The following SHANK2 variants were observed in gnomAD, a reference collection of about 807,000 sequenced individuals.
The protein encoded by SHANK2 is SH3 and multiple ankyrin repeat domains protein 2.
In SHANK2, 43 loss-of-function variants were observed where a neutral mutation model predicts 133.7. The observed-to-expected ratio is 0.32, with a 90% CI of 0.25 to 0.41. The LOEUF is 0.41. Among genes scored for constraint, SHANK2 ranks in the 10% least tolerant of loss-of-function variants. The pLI is 1.00. For missense variants in SHANK2, 1,994 were observed against 2,235.8 expected (o/e 0.89, Z 2.18); for synonymous variants, 1,017 against 952.8 (o/e 1.07, Z -1.24).
intron 17 of SHANK2, among the ~76,000 whole-genome samples, chr11:70,657,660 A>G (rs781275384): frequency 6.6e-5 from 10 of 152,252 alleles, no homozygotes; most frequent in Non-Finnish European, 1.2e-4. Context: ...TGTGATAATC[A>G]TAATGCAGGC....
At chr11:70,693,805 T>C (rs1445413883) in intron 15 of SHANK2, among the ~76,000 whole-genome samples, 2 of 151,806 alleles carry the variant, frequency 1.3e-5, no homozygotes, top group Non-Finnish European at 2.9e-5. Context: ...AGTGAACAGA[T>C]AAATGGGTGG....
intron 16 of SHANK2, among the ~76,000 whole-genome samples, chr11:70,661,289 A>G (rs1186014819): frequency 1.3e-5 from 2 of 152,156 alleles, no homozygotes; most frequent in African/African-American, 4.8e-5. Flanking sequence ...ATCATTTAAA[A>G]ACAAAAGGTA....
intron 9 of SHANK2, among the ~76,000 whole-genome samples, chr11:71,070,883 TGA>T (rs1951133956): frequency 6.6e-6 from 1 of 152,174 alleles, no homozygotes; most frequent in African/African-American, 2.4e-5. Context: ...GAGGATGTCC[TGA>T]GAGCCCCAGC....
In SHANK2 at chr11:70,472,776, T is replaced by C. The variant is rs1483535104; in HGVS notation, c.*93A>G. 3 of 1,249,854 alleles carry C rather than the reference T, an allele frequency of 2.4e-6. No homozygotes were observed. In the East Asian group the frequency reaches 6.9e-5, roughly 29 times the overall value. The allele number at this position is 1,249,854 out of a possible 1,614,324, so 77.4% of individuals were successfully genotyped here. A position where few individuals can be genotyped will look rare whatever the true frequency, so the allele number is the denominator to read the frequency against. ...AGACAAACCCATGGAGTGGGGTTGA[T>C]GCTCACAGACTTCGCTTGGCATTCA... On this transcript the variant is annotated 3_prime_UTR_variant, in exon 26 of 26. Transcript: ENST00000601538. The surrounding 1 kb of genome is among the most constrained non-coding windows in gnomAD (Gnocchi z 4.4).
At chr11:71,165,100 C>A (rs1450571749) in intron 2 of SHANK2, among the ~76,000 whole-genome samples, 2 of 150,674 alleles carry the variant, frequency 1.3e-5, no homozygotes, top group Non-Finnish European at 2.9e-5. Flanking sequence ...GTGGCACGAT[C>A]TCGGTTCATT....
At chr11:70,563,959 G>A (rs1169137493) in intron 17 of SHANK2, among the ~76,000 whole-genome samples, 1 of 152,066 alleles carries the variant, frequency 6.6e-6, no homozygotes, top group Non-Finnish European at 1.5e-5. Flanking sequence ...TACTGTAAAG[G>A]TATTTGTCCA....
At chr11:70,827,678 T>C (rs1948664899) in intron 11 of SHANK2, among the ~76,000 whole-genome samples, 1 of 113,894 alleles carries the variant, frequency 8.8e-6, no homozygotes, top group African/African-American at 3.3e-5. Flanking sequence ...GAGAACTGCT[T>C]CAGAAATTTA....
At chr11:71,182,165 A>C (rs1953572282) in intron 2 of SHANK2, among the ~76,000 whole-genome samples, 1 of 152,090 alleles carries the variant, frequency 6.6e-6, no homozygotes, top group African/African-American at 2.4e-5. Flanking sequence ...AATCTCTCCA[A>C]ACATGGTCCT....
chr11:70,718,874 G>T (rs1387964277), intron 14 of SHANK2, among the ~76,000 whole-genome samples: 2 of 152,142 alleles, frequency 1.3e-5, no homozygotes, highest in African/African-American at 4.8e-5. Flanking sequence ...CAGGGAGGCA[G>T]CCTGGACTGA....
At chr11:71,133,477 G>A (rs1231078643) in intron 3 of SHANK2, among the ~76,000 whole-genome samples, 3 of 151,490 alleles carry the variant, frequency 2.0e-5, no homozygotes, top group African/African-American at 7.3e-5. Context: ...GGGAGAGAGA[G>A]ACAGAGGGAT....
intron 11 of SHANK2, among the ~76,000 whole-genome samples, chr11:70,829,554 G>T (rs528275519): frequency 2.0e-5 from 3 of 152,116 alleles, no homozygotes; most frequent in Non-Finnish European, 4.4e-5. Flanking sequence ...GGGGGCATGC[G>T]CAGAAGACAG....
At chr11:71,207,167 C>G (rs1555118131) in intron 2 of SHANK2, among the ~76,000 whole-genome samples, 1 of 144,982 alleles carries the variant, frequency 6.9e-6, no homozygotes, top group Non-Finnish European at 1.5e-5. Context: ...TCAACCAACA[C>G]TTTAAAATTC....
chr11:70,951,040 C>G (rs184602727), intron 10 of SHANK2: 2 of 276,316 alleles, frequency 7.2e-6, no homozygotes, highest in African/African-American at 4.6e-5. Flanking sequence ...CTGGACACTC[C>G]CTTAACTGCA....
intron 14 of SHANK2, among the ~76,000 whole-genome samples, chr11:70,779,097 C>T (rs1283086752): frequency 4.6e-5 from 7 of 152,094 alleles, no homozygotes; most frequent in African/African-American, 7.2e-5. Context: ...AGACTGGATC[C>T]TCCCAAAGGA....
chr11:70,558,764 G>A (rs2059866703), intron 17 of SHANK2, among the ~76,000 whole-genome samples: 1 of 152,194 alleles, frequency 6.6e-6, no homozygotes, highest in Non-Finnish European at 1.5e-5. Context: ...CGACCAGAAA[G>A]ACACACTGAC....
At chr11:70,755,909 T>C (rs1555038793) in intron 14 of SHANK2, among the ~76,000 whole-genome samples, 1 of 152,202 alleles carries the variant, frequency 6.6e-6, no homozygotes, top group African/African-American at 2.4e-5. Context: ...ACAGGATGGC[T>C]TTCCGTTGCC....
chr11:70,487,460 T>G lies in SHANK2; in HGVS notation c.2833A>C (p.Met945Leu). Residue 945 changes from methionine to leucine, a missense_variant, in exon 25 of 26, where the codon ATG (methionine) becomes CTG (leucine). By Grantham distance (15) the Met-to-Leu change is conservative (BLOSUM62 2). Coordinates refer to ENST00000601538, the MANE Select transcript of SHANK2 (RefSeq NM_012309.5). The surrounding 1 kb of genome is among the most constrained non-coding windows in gnomAD (Gnocchi z 5.8). ...CTGAAGTACATCCCCTTCTCCCTCA[T>G]CATGGTGGCCACGGTGTCGGACCTG... ...ATRSDTVATM[M>L]REKGMYFRRE... 1.2e-6 allele frequency: 2 copies of G among 1,613,984 alleles called. No individual in the cohort carries two copies. The highest frequency in any genetic ancestry group is 2.7e-5 in the African/African-American group (2 of 74,976).
intron 14 of SHANK2, among the ~76,000 whole-genome samples, chr11:70,764,850 TCCA>T (rs1555041017): frequency 1.3e-5 from 2 of 151,232 alleles, no homozygotes; most frequent in East Asian, 1.9e-4. Context: ...CATCCATCCA[TCCA>T]TCCATCCAGT....
intron 14 of SHANK2, among the ~76,000 whole-genome samples, chr11:70,767,104 T>C (rs1555041578): frequency 6.6e-6 from 1 of 151,906 alleles, no homozygotes; most frequent in Non-Finnish European, 1.5e-5. Flanking sequence ...GAAGTGAAAA[T>C]GGACATGGGC....
Sources: allele counts gnomAD v4.1 joint callset (sites outside exome capture counted in the v4.1 genomes callset), GRCh38; gene constraint gnomAD v4.1.1; non-coding constraint Gnocchi (gnomAD v3.1); transcripts MANE v1.5; gene names NCBI Gene and HGNC (gene_info 2026-07-23, HGNC 2026-07-21).